The following MAP3K14 variants were observed in gnomAD, a reference collection of about 807,000 sequenced individuals.
MAP3K14 encodes mitogen-activated protein kinase kinase kinase 14, also known as NF-kappa-beta-inducing kinase.
MAP3K14 carries 16 observed loss-of-function variants against 99.2 expected under a neutral mutation model. The observed-to-expected ratio is 0.16, with a 90% CI of 0.11 to 0.24. The LOEUF is 0.24. MAP3K14 is among the 10% of genes least tolerant of loss of function. The pLI, the probability that MAP3K14 is intolerant of heterozygous loss-of-function variation, is 1.00. For missense variants in MAP3K14, 784 were observed against 1,208.7 expected (o/e 0.65, Z 5.21); for synonymous variants, 462 against 492.4 (o/e 0.94, Z 0.82).
At chr17:45,278,187 G>C (rs547454032) in intron 6 of MAP3K14, among the ~76,000 whole-genome samples, 1 of 152,176 alleles carries the variant, frequency 6.6e-6, no homozygotes, top group East Asian at 1.9e-4. Context: ...GCAGAAATCT[G>C]TAAGTCCTCT....
intron 14 of MAP3K14, chr17:45,266,328 C>T (rs1286164197): frequency 3.8e-6 from 2 of 531,550 alleles, no homozygotes. Context: ...ATAATGGTCC[C>T]TCACTGCCCC....
intron 11 of MAP3K14, 75 bp downstream of exon 11, chr17:45,270,337 GA>G (rs2044132693): frequency 6.5e-7 from 1 of 1,532,402 alleles, no homozygotes; most frequent in East Asian, 2.4e-5. Flanking sequence ...CCTTGCTCTG[GA>G]CCTGCGCCCA....
chr17:45,279,576 T>C (rs2044204959), intron 6 of MAP3K14, among the ~76,000 whole-genome samples: 2 of 152,010 alleles, frequency 1.3e-5, no homozygotes, highest in Non-Finnish European at 2.9e-5. Flanking sequence ...GGTGGCGCCA[T>C]CATGCCTGGC....
Position 45,272,896 on chromosome 17 carries a change from T to C in MAP3K14, c.1657+607A>G, listed in dbSNP as rs972424167. Among the ~76,000 whole-genome samples the C allele has an allele frequency of 6.6e-6, 1 of 151,846 alleles. No individual in the cohort carries two copies. The highest frequency in any genetic ancestry group is 2.4e-5 in the African/African-American group (1 of 41,308). ...AGGAGGTTGCAGTGAGCTGAGATTG[T>C]GCCACTGCACTCCAGCCTGGGTGAC... On this transcript the variant is annotated intron_variant, in intron 9 of 15. Coordinates refer to ENST00000344686, the MANE Select transcript of MAP3K14 (RefSeq NM_003954.5). This position sits in a 1 kb window ranked among gnomAD's most constrained non-coding sequence, Gnocchi z 4.1.
chr17:45,263,982 C>G lies in MAP3K14; in HGVS notation c.*654G>C, dbSNP rs2044044519. The G allele has an allele frequency of 6.6e-6, 1 of 152,286 alleles. No individual in the cohort carries two copies. The highest frequency in any genetic ancestry group is 6.5e-5 in the Admixed American group (1 of 15,290). The allele number at this position is 152,286 out of a possible 1,614,324, so 9.4% of individuals were successfully genotyped here. On this transcript the variant is annotated 3_prime_UTR_variant, in exon 16 of 16. Coordinates refer to ENST00000344686, the MANE Select transcript of MAP3K14 (RefSeq NM_003954.5). ...ACTTCACTTACACACCTTCTTTGGT[C>G]CTTGGCTGAACCAGAGGTCAACTCA...
chr17:45,275,396 A>G (rs2044171456), intron 6 of MAP3K14, among the ~76,000 whole-genome samples: 2 of 150,348 alleles, frequency 1.3e-5, no homozygotes, highest in Admixed American at 1.3e-4. Context: ...TGAACCTGGG[A>G]GTCGGAGGTT....
intron 1 of MAP3K14, among the ~76,000 whole-genome samples, chr17:45,300,847 T>TA (rs556328463): frequency 6.6e-5 from 10 of 151,670 alleles, no homozygotes; most frequent in Middle Eastern, 3.4e-3. Context: ...GGGAACAAAT[T>TA]AAAAAAAACA....
At chr17:45,280,438 A>C (rs2044213258) in intron 6 of MAP3K14, among the ~76,000 whole-genome samples, 2 of 147,068 alleles carry the variant, frequency 1.4e-5, no homozygotes, top group Admixed American at 6.9e-5. Context: ...TGAGTAGCTG[A>C]GATTACAGGC....
chr17:45,275,857 G>T (rs982422379), intron 6 of MAP3K14, among the ~76,000 whole-genome samples: 6 of 150,964 alleles, frequency 4.0e-5, no homozygotes, highest in Non-Finnish European at 7.4e-5. Context: ...TGCCTCCCGG[G>T]TTCAAGCAAT....
intron 1 of MAP3K14, among the ~76,000 whole-genome samples, chr17:45,312,016 T>G (rs1165440266): frequency 6.6e-6 from 1 of 152,200 alleles, no homozygotes; most frequent in African/African-American, 2.4e-5. Context: ...GTTTACCTCC[T>G]GCCCCCTGCC....
chr17:45,292,313 C>T (rs1439961825), intron 1 of MAP3K14, among the ~76,000 whole-genome samples: 1 of 152,176 alleles, frequency 6.6e-6, no homozygotes, highest in Non-Finnish European at 1.5e-5. Context: ...GCCTGTAATC[C>T]CACCACTTTG....
At chr17:45,316,617 T>A (rs765187402) in intron 1 of MAP3K14, among the ~76,000 whole-genome samples, 5 of 152,094 alleles carry the variant, frequency 3.3e-5, no homozygotes, top group Non-Finnish European at 7.4e-5. Flanking sequence ...CTGGGGGCAC[T>A]GGGGCGCAGA....
At chr17:45,270,270 C>A in intron 11 of MAP3K14, 143 bp downstream of exon 11, 1 of 1,079,488 alleles carries the variant, frequency 9.3e-7, no homozygotes, top group Admixed American at 3.2e-5. Flanking sequence ...CTCCCAACAA[C>A]CCTGAGGCTG....
intron 6 of MAP3K14, chr17:45,281,532 G>C (rs2044223084): frequency 6.6e-6 from 1 of 151,480 alleles, no homozygotes; most frequent in African/African-American, 2.4e-5. Context: ...AGTAGAGATG[G>C]GGTTTCACTG....
chr17:45,267,650 C>T lies in MAP3K14; in HGVS notation c.2082G>A (p.Ser694=), dbSNP rs55828586. The stretch of plus-strand genomic sequence containing the variant: ...CTGGCCGGGGCCCTGGGGCCCTTGG[C>T]GAAAGCTCTCTCGGCTGGGCATGGA... ...QTLHAQPREL[S]PRAPGPRPAE... The change falls in exon 12 of 16, where the codon TCG becomes TCA. Residue 694 remains serine, a synonymous_variant. Coordinates refer to ENST00000344686, the MANE Select transcript of MAP3K14 (RefSeq NM_003954.5). The surrounding 1 kb of genome is among the most constrained non-coding windows in gnomAD (Gnocchi z 5.1). 3.1e-5 allele frequency: 50 copies of T among 1,613,566 alleles called. No individual in the cohort carries two copies. In the East Asian group the frequency reaches 6.2e-4, roughly 20 times the overall value.
chr17:45,294,631 A>G (rs2044334669), intron 1 of MAP3K14, among the ~76,000 whole-genome samples: 2 of 152,218 alleles, frequency 1.3e-5, no homozygotes, highest in South Asian at 4.1e-4. Context: ...GCAGTTTCCA[A>G]TCTGACCACA....
Position 45,274,570 on chromosome 17 carries a change from T to G in MAP3K14, c.1314A>C (p.Ala438=). ...ATCCTGCACATGCCATCAGCTCCTC[T>G]GCCCGAAATACTTCCAGCCGCACCT... ...VKKVRLEVFR[A]EELMACAGLT... is the part of the protein sequence containing the mutation. The change falls in exon 7 of 16, where the codon GCA becomes GCC. Residue 438 remains alanine, a synonymous_variant. Coordinates refer to ENST00000344686, the MANE Select transcript of MAP3K14 (RefSeq NM_003954.5). 1 of 1,613,888 alleles carries G rather than the reference T, an allele frequency of 6.2e-7. No individual in the cohort carries two copies. The highest frequency in any genetic ancestry group is 8.5e-7 in the Non-Finnish European group (1 of 1,179,888).
intron 9 of MAP3K14, 59 bp downstream of exon 9, chr17:45,273,444 T>G: frequency 7.7e-7 from 1 of 1,295,240 alleles, no homozygotes; most frequent in Non-Finnish European, 1.1e-6. Flanking sequence ...CTGGAAAGCA[T>G]GGAAGGCATT....
At chr17:45,302,489 G>T (rs1050896731) in intron 1 of MAP3K14, among the ~76,000 whole-genome samples, 1 of 152,012 alleles carries the variant, frequency 6.6e-6, no homozygotes, top group Non-Finnish European at 1.5e-5. Context: ...TCTATTTTTA[G>T]TAGAGACCGG....
Sources: gnomAD v4.1 joint callset for allele counts (sites outside exome capture counted in the v4.1 genomes callset) on GRCh38, gnomAD v4.1.1 for gene constraint, Gnocchi (gnomAD v3.1) non-coding constraint, MANE v1.5 for transcripts, NCBI Gene and HGNC (gene_info 2026-07-23, HGNC 2026-07-21) for gene names.